JPH3: variants seen among roughly 807,000 people sequenced by gnomAD.
JPH3 encodes the protein junctophilin-3.
A neutral mutation model predicts 59.6 loss-of-function variants in JPH3; 11 were observed. The observed-to-expected ratio is 0.18, with a 90% CI of 0.12 to 0.31. The LOEUF (loss-of-function observed/expected upper bound fraction) is 0.31, where lower values mean the gene tolerates loss of function less well. Among genes scored for constraint, JPH3 ranks in the 10% least tolerant of loss-of-function variants. The pLI is 1.00. For synonymous variants in JPH3, 673 were observed against 483.6 expected (o/e 1.39, Z -5.14); for missense variants, 1,202 against 1,105.7 (o/e 1.09, Z -1.24).
intron 1 of JPH3, chr16:87,604,642 C>T (rs1027169874): frequency 6.0e-6 from 7 of 1,174,642 alleles, no homozygotes; most frequent in East Asian, 5.9e-5. Context: ...GTGCTCTAGT[C>T]CTCCCCGCCC....
At chr16:87,643,710 C>G (rs2032033260) in intron 1 of JPH3, among the ~76,000 whole-genome samples, 1 of 152,180 alleles carries the variant, frequency 6.6e-6, no homozygotes, top group African/African-American at 2.4e-5. Flanking sequence ...CTTCTCCCTC[C>G]CCGATTTCCA....
chr16:87,653,072 G>T (rs9924006), intron 2 of JPH3, among the ~76,000 whole-genome samples: 26 of 152,190 alleles, frequency 1.7e-4, no homozygotes, highest in African/African-American at 5.1e-4. Flanking sequence ...GTGCCTGCGG[G>T]GGGGACTAGA....
At chr16:87,640,148 G>A (rs1396504518) in intron 1 of JPH3, among the ~76,000 whole-genome samples, 4 of 152,046 alleles carry the variant, frequency 2.6e-5, no homozygotes, top group African/African-American at 9.7e-5. Context: ...CCAACATGGT[G>A]AAACCCTGTC....
chr16:87,661,349 C>T (rs190273975), intron 2 of JPH3, among the ~76,000 whole-genome samples: 2 of 152,372 alleles, frequency 1.3e-5, no homozygotes, highest in East Asian at 3.9e-4. Context: ...GACACATTCA[C>T]AGACGGGTTC....
At chr16:87,668,616 G>A (rs1597278117) in intron 2 of JPH3, among the ~76,000 whole-genome samples, 2 of 152,214 alleles carry the variant, frequency 1.3e-5, no homozygotes, top group Non-Finnish European at 2.9e-5. Context: ...AGCTGAGCCA[G>A]GGCACGGGTG....
At chr16:87,655,316 C>A (rs1370555081) in intron 2 of JPH3, among the ~76,000 whole-genome samples, 1 of 152,172 alleles carries the variant, frequency 6.6e-6, no homozygotes, top group African/African-American at 2.4e-5. Flanking sequence ...CCTCTGTCTC[C>A]CTGGTTACAA....
At chr16:87,608,472 T>C (rs957803166) in intron 1 of JPH3, among the ~76,000 whole-genome samples, 1 of 152,194 alleles carries the variant, frequency 6.6e-6, no homozygotes, top group Non-Finnish European at 1.5e-5. Context: ...GCTTCATGGC[T>C]GTGAGAGGCC....
At position 87,676,085 on chromosome 16, in the gene JPH3, G is replaced by A. The variant is rs184516503; in HGVS notation, c.1161-8057G>A. Among the ~76,000 whole-genome samples, 135 of 152,344 alleles carry A rather than the reference G, an allele frequency of 8.9e-4. No individual in the cohort carries two copies. In the South Asian group the frequency reaches 0.014, roughly 16 times the overall value. ...AGTTAGATCACGATGGTGGTGACCC[G>A]CCTCAGTAAATGTGCTAAAAACCAG... On this transcript the variant is annotated intron_variant, in intron 2 of 4. Coordinates refer to ENST00000284262, the MANE Select transcript of JPH3 (RefSeq NM_020655.4).
intron 1 of JPH3, among the ~76,000 whole-genome samples, chr16:87,634,853 G>A (rs1156623044): frequency 6.6e-5 from 10 of 152,236 alleles, no homozygotes; most frequent in Non-Finnish European, 1.2e-4. Flanking sequence ...TGTGGGCTTC[G>A]GATCAGCTCA....
At chr16:87,657,683 C>G (rs757093605) in intron 2 of JPH3, among the ~76,000 whole-genome samples, 2 of 152,172 alleles carry the variant, frequency 1.3e-5, no homozygotes, top group African/African-American at 2.4e-5. Context: ...CTGTCTTGAG[C>G]CAGTCCATCT....
chr16:87,608,481 C>G (rs1203307700), intron 1 of JPH3, among the ~76,000 whole-genome samples: 1 of 152,144 alleles, frequency 6.6e-6, no homozygotes, highest in African/African-American at 2.4e-5. Flanking sequence ...CTGTGAGAGG[C>G]CATGCGGTGG....
intron 2 of JPH3, among the ~76,000 whole-genome samples, chr16:87,656,701 G>A (rs201753035): frequency 1.3e-5 from 2 of 152,172 alleles, no homozygotes; most frequent in Non-Finnish European, 2.9e-5. Flanking sequence ...GAGGAACGGG[G>A]GCCCCTACGT....
At chr16:87,636,414 G>A (rs2031748693) in intron 1 of JPH3, among the ~76,000 whole-genome samples, 1 of 152,242 alleles carries the variant, frequency 6.6e-6, no homozygotes, top group African/African-American at 2.4e-5. Flanking sequence ...TGATGGTGCA[G>A]GCGTGTGCGC....
intron 4 of JPH3, chr16:87,695,954 T>C (rs1381795978): frequency 2.2e-6 from 1 of 454,992 alleles, no homozygotes; most frequent in East Asian, 7.0e-5. Flanking sequence ...TTCAGGGAGG[T>C]GGTGGCAGCA....
chr16:87,696,735 A>G lies in JPH3; in HGVS notation c.*75A>G. 1 of 1,263,738 alleles carries G rather than the reference A, an allele frequency of 7.9e-7. No individual in the cohort carries two copies. Among genetic ancestry groups the G allele is most frequent in the Non-Finnish European group, 1.1e-6 (1 of 872,636 alleles). The allele number at this position is 1,263,738 out of a possible 1,614,324, so 78.3% of individuals were successfully genotyped here. On this transcript the variant is annotated 3_prime_UTR_variant, in exon 5 of 5. Transcript: ENST00000284262. ...TAAAATTAAAAGCAAAACCACAAGAAGGGAAAGACCGCAACTCGGACAGCC... is the reference window on the plus strand; with the variant it reads ...TAAAATTAAAAGCAAAACCACAAGAGGGGAAAGACCGCAACTCGGACAGCC...
chr16:87,646,595 T>G (rs1164182453), intron 2 of JPH3, among the ~76,000 whole-genome samples: 1 of 152,226 alleles, frequency 6.6e-6, no homozygotes, highest in Non-Finnish European at 1.5e-5. Flanking sequence ...GTCTGATGGA[T>G]CGGCCGAGCG....
At chr16:87,616,190 T>TG (rs2030950727) in intron 1 of JPH3, among the ~76,000 whole-genome samples, 8 of 116,046 alleles carry the variant, frequency 6.9e-5, no homozygotes, top group East Asian at 2.7e-4. Context: ...CAATCTGGTT[T>TG]TGTGTGTGTG....
At chr16:87,625,486 GC>G (rs1182427723) in intron 1 of JPH3, among the ~76,000 whole-genome samples, 1 of 152,200 alleles carries the variant, frequency 6.6e-6, no homozygotes, top group Non-Finnish European at 1.5e-5. Context: ...ACGGTCACTT[GC>G]CATTTTCGCA....
chr16:87,690,746 C>T (rs945506616), intron 4 of JPH3, among the ~76,000 whole-genome samples: 3 of 152,190 alleles, frequency 2.0e-5, no homozygotes, highest in African/African-American at 7.2e-5. Flanking sequence ...CCGTGAGAGG[C>T]TGCCCCCAGG....
Sources: allele counts gnomAD v4.1 joint callset (sites outside exome capture counted in the v4.1 genomes callset), GRCh38; gene constraint gnomAD v4.1.1; transcripts MANE v1.5; gene names NCBI Gene and HGNC (gene_info 2026-07-23, HGNC 2026-07-21).